PCDH9: variants seen among roughly 807,000 people sequenced by gnomAD.
PCDH9 encodes protocadherin 9.
A neutral mutation model predicts 70.6 loss-of-function variants in PCDH9; 24 were observed. The observed-to-expected ratio is 0.34, with a 90% CI of 0.25 to 0.48. The LOEUF (loss-of-function observed/expected upper bound fraction) is 0.48, where lower values mean the gene tolerates loss of function less well. Ranked by LOEUF, PCDH9 falls within the 20% of genes least tolerant of loss-of-function variation. The probability of loss-of-function intolerance (pLI) is 0.99; values close to 1 mark genes in which losing one functional copy is unlikely to be tolerated. For missense variants in PCDH9, 1,281 were observed against 1,503.6 expected (o/e 0.85, Z 2.45); for synonymous variants, 562 against 558.5 (o/e 1.01, Z -0.09).
At chr13:66,740,944 C>T (rs2079253988) in intron 3 of PCDH9, among the ~76,000 whole-genome samples, 1 of 99,918 alleles carries the variant, frequency 1.0e-5, no homozygotes, top group Admixed American at 1.1e-4. Context: ...CCTTCTGAAA[C>T]TATTCCAATC....
intron 2 of PCDH9, among the ~76,000 whole-genome samples, chr13:66,999,648 C>A (rs1312091438): frequency 6.6e-6 from 1 of 151,498 alleles, no homozygotes; most frequent in Non-Finnish European, 1.5e-5. Context: ...AAAAAACAAA[C>A]AACCCCATCA....
intron 4 of PCDH9, among the ~76,000 whole-genome samples, chr13:66,561,871 C>G (rs1593681544): frequency 6.6e-6 from 1 of 152,074 alleles, no homozygotes; most frequent in Non-Finnish European, 1.5e-5. Context: ...CCGCTCGGGT[C>G]CTCTTCCACA....
intron 3 of PCDH9, among the ~76,000 whole-genome samples, chr13:66,733,344 T>G (rs1353883949): frequency 1.3e-5 from 2 of 152,164 alleles, no homozygotes; most frequent in Non-Finnish European, 2.9e-5. Context: ...GTCACATTTT[T>G]AAATTTTAAA....
intron 2 of PCDH9, among the ~76,000 whole-genome samples, chr13:67,074,629 T>C (rs1461980884): frequency 1.3e-5 from 2 of 152,164 alleles, no homozygotes; most frequent in Admixed American, 1.3e-4. Flanking sequence ...TCATTTATAA[T>C]GTTATCTACG....
intron 4 of PCDH9, among the ~76,000 whole-genome samples, chr13:66,486,420 G>A (rs1043820441): frequency 1.1e-4 from 16 of 151,556 alleles, no homozygotes; most frequent in Non-Finnish European, 2.4e-4. Flanking sequence ...CTGTGCTGCT[G>A]CACTCCAGCC....
intron 3 of PCDH9, among the ~76,000 whole-genome samples, chr13:66,844,362 G>A (rs1411496063): frequency 6.6e-6 from 1 of 151,974 alleles, no homozygotes; most frequent in Non-Finnish European, 1.5e-5. Flanking sequence ...CGAGGCGAGT[G>A]GATCCCGAGG....
intron 3 of PCDH9, among the ~76,000 whole-genome samples, chr13:66,681,207 C>T (rs2078314576): frequency 6.6e-6 from 1 of 152,084 alleles, no homozygotes; most frequent in East Asian, 1.9e-4. Flanking sequence ...TAAACCATTG[C>T]ATTATTTCTT....
intron 3 of PCDH9, among the ~76,000 whole-genome samples, chr13:66,667,982 G>A (rs1163726215): frequency 6.6e-6 from 1 of 152,110 alleles, no homozygotes; most frequent in Non-Finnish European, 1.5e-5. Context: ...AAAGAATTAT[G>A]TATTTCTTTG....
Position 67,127,676 on chromosome 13 carries a change from A to ATGTGTGTGTGTG in PCDH9, c.3036+97717_3036+97728dup, listed in dbSNP as rs142545550. Among the ~76,000 whole-genome samples the ATGTGTGTGTGTG allele has an allele frequency of 8.1e-3, 1,184 of 145,550 alleles. 7 individuals carry two copies. Among genetic ancestry groups the ATGTGTGTGTGTG allele is most frequent in the Middle Eastern group, 0.035 (10 of 286 alleles). ...AGACTTTTTTATCATATATATATAT[A>ATGTGTGTGTGTG]TGTGTGTGTGTGTGTGTGTGTGTGT... is the stretch of plus-strand genomic sequence containing the variant. On this transcript the variant is annotated intron_variant, in intron 2 of 4. Transcript: ENST00000377865.
At chr13:66,813,318 T>C (rs2080542337) in intron 3 of PCDH9, among the ~76,000 whole-genome samples, 1 of 152,046 alleles carries the variant, frequency 6.6e-6, no homozygotes, top group Admixed American at 6.6e-5. Flanking sequence ...TGAAGAAAAG[T>C]GGATGTATCC....
chr13:66,738,996 C>A (rs2079207868), intron 3 of PCDH9, among the ~76,000 whole-genome samples: 6 of 116,880 alleles, frequency 5.1e-5, no homozygotes, highest in Non-Finnish European at 1.1e-4. Context: ...GAGAACGCCA[C>A]AAAGATACTC....
chr13:66,685,363 G>A (rs2078386296), intron 3 of PCDH9, among the ~76,000 whole-genome samples: 2 of 152,218 alleles, frequency 1.3e-5, no homozygotes, highest in Admixed American at 1.3e-4. Flanking sequence ...TGTTGGGCCT[G>A]CAAGTGCACC....
rs2078236443 is a variant in PCDH9 at position 66,675,910 on chromosome 13, C to T, written c.3139-44499G>A. 3.9e-5 allele frequency among the ~76,000 whole-genome samples: 6 copies of T among 152,056 alleles called. No individual in the cohort carries two copies. The South Asian group carries it at 1.2e-3, about 31-fold the overall frequency. On this transcript the variant is annotated intron_variant, in intron 3 of 4. Transcript: ENST00000377865. ...GGCGTTGTCTTCTTAGATCTCTTTC[C>T]CATAATTATTGTCTCTACTTTTATT...
At chr13:66,637,801 C>G (rs1461433494) in intron 3 of PCDH9, among the ~76,000 whole-genome samples, 2 of 151,794 alleles carry the variant, frequency 1.3e-5, no homozygotes, top group Non-Finnish European at 2.9e-5. Flanking sequence ...GTAGTCCCAG[C>G]TACTTGGGAG....
chr13:66,453,391 G>T (rs1451104685), intron 4 of PCDH9, among the ~76,000 whole-genome samples: 1 of 152,114 alleles, frequency 6.6e-6, no homozygotes, highest in Admixed American at 6.6e-5. Context: ...CCTACTAGAG[G>T]TCAAATGCAT....
intron 3 of PCDH9, among the ~76,000 whole-genome samples, chr13:66,655,149 A>T (rs901799701): frequency 2.0e-5 from 3 of 152,036 alleles, no homozygotes; most frequent in Admixed American, 6.6e-5. Flanking sequence ...TCTGGGAACT[A>T]CAGAAGACAA....
At chr13:66,565,905 G>GA (rs1362165004) in intron 4 of PCDH9, among the ~76,000 whole-genome samples, 6 of 152,106 alleles carry the variant, frequency 3.9e-5, no homozygotes, top group Non-Finnish European at 7.4e-5. Context: ...TAAGATTTTA[G>GA]AAAATGATGG....
chr13:66,982,520 T>C (rs953245044), intron 2 of PCDH9, among the ~76,000 whole-genome samples: 6 of 152,260 alleles, frequency 3.9e-5, no homozygotes, highest in East Asian at 1.9e-4. Context: ...GGACTAAAAA[T>C]AGTTAAATTT....
At position 66,737,848 on chromosome 13, in the gene PCDH9, C is replaced by T. The variant is rs544372502; in HGVS notation, c.3139-106437G>A. 3.9e-5 allele frequency among the ~76,000 whole-genome samples: 6 copies of T among 152,250 alleles called. No individual in the cohort carries two copies. The South Asian group carries it at 1.2e-3, about 32-fold the overall frequency. ...CACACCTGGCTCGGAGGGTCCTACGCCCATGGAATCTCGTTGATTGCTAGC... is the reference window on the plus strand; with the variant it reads ...CACACCTGGCTCGGAGGGTCCTACGTCCATGGAATCTCGTTGATTGCTAGC... On this transcript the variant is annotated intron_variant, in intron 3 of 4. Transcript: ENST00000377865.
Sources: allele counts gnomAD v4.1 joint callset (sites outside exome capture counted in the v4.1 genomes callset), GRCh38; gene constraint gnomAD v4.1.1; transcripts MANE v1.5; gene names NCBI Gene and HGNC (gene_info 2026-07-23, HGNC 2026-07-21).